CTNNA2: variants seen among roughly 807,000 people sequenced by gnomAD.
The protein encoded by CTNNA2 is catenin alpha 2.
A neutral mutation model predicts 101.0 loss-of-function variants in CTNNA2; 42 were observed. The ratio of observed to expected loss-of-function variants is 0.42; its 90% CI spans 0.32 to 0.54. The LOEUF (loss-of-function observed/expected upper bound fraction) is 0.54. Ranked by LOEUF, CTNNA2 falls within the 20% of genes least tolerant of loss-of-function variation. CTNNA2 has a pLI of 0.14. For missense variants in CTNNA2, 871 were observed against 1,223.1 expected, an observed-to-expected ratio of 0.71 and a Z score of 4.29; for synonymous variants, 450 against 456.4, an observed-to-expected ratio of 0.99 and a Z score of 0.18.
intron 7 of CTNNA2, among the ~76,000 whole-genome samples, chr2:80,379,881 A>G (rs1383794776): frequency 6.6e-6 from 1 of 152,150 alleles, no homozygotes; most frequent in Non-Finnish European, 1.5e-5. Flanking sequence ...CCTATGGACT[A>G]TTGAGTCTAA....
At chr2:79,983,134 GTA>G (rs1264493729) in intron 7 of CTNNA2, among the ~76,000 whole-genome samples, 9 of 146,806 alleles carry the variant, frequency 6.1e-5, no homozygotes, top group Admixed American at 1.4e-4. Context: ...ATATATATGT[GTA>G]TATATATATA....
intron 3 of CTNNA2, among the ~76,000 whole-genome samples, chr2:79,809,074 A>G (rs1326737317): frequency 6.6e-6 from 1 of 152,170 alleles, no homozygotes; most frequent in African/African-American, 2.4e-5. Context: ...TTTGATGAGA[A>G]TGATGGTGTC....
chr2:79,874,388 A>AC, intron 6 of CTNNA2, 46 bp downstream of exon 6: 1 of 1,561,950 alleles, frequency 6.4e-7, no homozygotes, highest in East Asian at 2.3e-5. Context: ...ACTGGTGTTG[A>AC]CAAAAAAAAA....
At chr2:79,626,638 TG>T (rs1679327956) in intron 1 of CTNNA2, among the ~76,000 whole-genome samples, 1 of 138,262 alleles carries the variant, frequency 7.2e-6, no homozygotes, top group Non-Finnish European at 1.7e-5. Context: ...TGTGTGTGTG[TG>T]TGTGTGTGTG....
chr2:79,772,540 G>A (rs1252829444), intron 3 of CTNNA2, among the ~76,000 whole-genome samples: 2 of 152,156 alleles, frequency 1.3e-5, no homozygotes, highest in Non-Finnish European at 2.9e-5. Context: ...GTGTTTTGTT[G>A]ACTCTCTGCC....
intron 1 of CTNNA2, among the ~76,000 whole-genome samples, chr2:79,541,817 G>A (rs1401611563): frequency 6.6e-6 from 1 of 151,888 alleles, no homozygotes; most frequent in African/African-American, 2.4e-5. Context: ...AGTAGAGACG[G>A]GGTTTCACCA....
intron 3 of CTNNA2, among the ~76,000 whole-genome samples, chr2:79,813,296 A>G (rs1289186187): frequency 1.3e-5 from 2 of 152,186 alleles, no homozygotes; most frequent in African/African-American, 2.4e-5. Flanking sequence ...CAGAAGGACA[A>G]AAGAAGAAGC....
At chr2:80,490,286 C>CCA (rs993096573) in intron 9 of CTNNA2, among the ~76,000 whole-genome samples, 1 of 88,902 alleles carries the variant, frequency 1.1e-5, no homozygotes, top group Admixed American at 1.7e-4. Context: ...CCCCACCCCC[C>CCA]CCCCGGTAAA....
At chr2:79,420,756 G>A (rs777253477) in intron 4 of CTNNA2, among the ~76,000 whole-genome samples, 26 of 151,992 alleles carry the variant, frequency 1.7e-4, no homozygotes, top group Admixed American at 2.6e-4. Context: ...TGTCAATGGC[G>A]TTATCTTTGA....
At chr2:80,418,934 C>A (rs1489576805) in intron 8 of CTNNA2, among the ~76,000 whole-genome samples, 1 of 152,128 alleles carries the variant, frequency 6.6e-6, no homozygotes, top group Admixed American at 6.5e-5. Flanking sequence ...CACCTGGGCA[C>A]AAACAGTTTT....
At chr2:79,581,735 A>G (rs374992152) in intron 1 of CTNNA2, among the ~76,000 whole-genome samples, 1 of 152,192 alleles carries the variant, frequency 6.6e-6, no homozygotes, top group Non-Finnish European at 1.5e-5. Flanking sequence ...CAAAACTGAA[A>G]AGGAACGAGT....
chr2:80,432,497 G>C (rs557684108), intron 9 of CTNNA2, among the ~76,000 whole-genome samples: 1 of 152,178 alleles, frequency 6.6e-6, no homozygotes, highest in Non-Finnish European at 1.5e-5. Context: ...CTGCCACAAA[G>C]TGTGAATATC....
intron 2 of CTNNA2, among the ~76,000 whole-genome samples, chr2:79,290,384 A>G (rs902512768): frequency 1.3e-5 from 2 of 152,074 alleles, no homozygotes; most frequent in East Asian, 1.9e-4. Flanking sequence ...TGGGAAGGAA[A>G]CGGAGTGGTC....
chr2:80,574,994 CAT>C (rs1694916105), intron 13 of CTNNA2: 3 of 152,326 alleles, frequency 2.0e-5, no homozygotes, highest in South Asian at 2.1e-4. Flanking sequence ...GGCACATTCA[CAT>C]ATGTCTGTTA....
chr2:80,236,118 A>G (rs1327658739), intron 7 of CTNNA2, among the ~76,000 whole-genome samples: 1 of 152,188 alleles, frequency 6.6e-6, no homozygotes, highest in African/African-American at 2.4e-5. Context: ...AGCTCTATCC[A>G]TGTTCTCTCA....
At chr2:79,447,244 T>G (rs1678843182) in intron 4 of CTNNA2, among the ~76,000 whole-genome samples, 1 of 152,012 alleles carries the variant, frequency 6.6e-6, no homozygotes, top group African/African-American at 2.4e-5. Context: ...ACCTAATCTC[T>G]ATACTGACTC....
chr2:80,093,162 A>C (rs1434085270), intron 7 of CTNNA2, among the ~76,000 whole-genome samples: 1 of 151,472 alleles, frequency 6.6e-6, no homozygotes. Flanking sequence ...TGCTCCCCCA[A>C]CCCCACAACA....
At chr2:79,960,775 A>G (rs1689573043) in intron 7 of CTNNA2, among the ~76,000 whole-genome samples, 1 of 152,170 alleles carries the variant, frequency 6.6e-6, no homozygotes, top group Non-Finnish European at 1.5e-5. Context: ...CCACCAACTG[A>G]TACAAATGAA....
At chr2:79,818,895 G>GCACACACACA (rs56218833) in intron 3 of CTNNA2, among the ~76,000 whole-genome samples, 44 of 125,546 alleles carry the variant, frequency 3.5e-4, no homozygotes, top group African/African-American at 1.3e-3. Context: ...AGCACTAATA[G>GCACACACACA]CACACACACA....
Sources: gnomAD v4.1 joint callset for allele counts (sites outside exome capture counted in the v4.1 genomes callset) on GRCh38, gnomAD v4.1.1 for gene constraint, MANE v1.5 for transcripts, NCBI Gene and HGNC (gene_info 2026-07-23, HGNC 2026-07-21) for gene names.